The following CERCAM variants were observed in gnomAD, a reference collection of about 807,000 sequenced individuals.
CERCAM encodes cerebral endothelial cell adhesion molecule.
In CERCAM, 59 loss-of-function variants were observed where a neutral mutation model predicts 66.0. That is an observed-to-expected ratio of 0.89 (90% confidence interval 0.73 to 1.11). CERCAM has a LOEUF of 1.11. CERCAM is among the 50% of genes most tolerant of loss of function. CERCAM has a pLI of 0.00. For missense variants in CERCAM, 840 were observed against 828.3 expected (o/e 1.01, Z -0.17); for synonymous variants, 318 against 343.6 (o/e 0.93, Z 0.83).
intron 5 of CERCAM, among the ~76,000 whole-genome samples, chr9:128,426,890 C>A (rs1361233212): frequency 1.3e-5 from 2 of 152,062 alleles, no homozygotes; most frequent in African/African-American, 4.8e-5. Context: ...GAAATCTTAC[C>A]AAGTGCAAAA....
At chr9:128,429,253 G>T (rs1195860051) in intron 8 of CERCAM, among the ~76,000 whole-genome samples, 1 of 152,226 alleles carries the variant, frequency 6.6e-6, no homozygotes, top group Non-Finnish European at 1.5e-5. Context: ...GGAGAGCACA[G>T]TGGCTGAGGC....
At chr9:128,432,958 A>G (rs1588627691) in intron 9 of CERCAM, among the ~76,000 whole-genome samples, 1 of 149,880 alleles carries the variant, frequency 6.7e-6, no homozygotes, top group South Asian at 2.1e-4. Context: ...ACGTGGTGAA[A>G]CCCCGTCTCT....
intron 5 of CERCAM, among the ~76,000 whole-genome samples, chr9:128,426,014 AG>A (rs1302759790): frequency 6.6e-6 from 1 of 151,674 alleles, no homozygotes; most frequent in Non-Finnish European, 1.5e-5. Flanking sequence ...CGTGTTGCCC[AG>A]GCTGGTCTTG....
At position 128,434,282 on chromosome 9, in the gene CERCAM, T is replaced by C. The variant is rs1466199544; in HGVS notation, c.1331+53T>C. On this transcript the variant is annotated intron_variant, in intron 10 of 12. Coordinates refer to ENST00000372838, the MANE Select transcript of CERCAM (RefSeq NM_016174.5). The surrounding 1 kb of genome is among the most constrained non-coding windows in gnomAD (Gnocchi z 4.5). ...GGGGGCAGGGTGGGCCTCCGGAGTCTGCCTTTTCCTGCTTGGGACCCTGGC... is the reference window on the plus strand; with the variant it reads ...GGGGGCAGGGTGGGCCTCCGGAGTCCGCCTTTTCCTGCTTGGGACCCTGGC... 1 of 1,608,218 alleles carries C rather than the reference T, an allele frequency of 6.2e-7. No individual in the cohort carries two copies.
upstream of CERCAM, chr9:128,419,744 G>C (rs1336356195): frequency 6.6e-6 from 1 of 152,220 alleles, no homozygotes; most frequent in Non-Finnish European, 1.5e-5. Flanking sequence ...TAAGGACCCC[G>C]GCGGTGCTCC....
At chr9:128,424,847 G>A (rs1833804845) in intron 5 of CERCAM, among the ~76,000 whole-genome samples, 1 of 146,440 alleles carries the variant, frequency 6.8e-6, no homozygotes, top group African/African-American at 2.5e-5. Flanking sequence ...TCAGCTTCCC[G>A]AGTAGCTGGG....
chr9:128,425,076 G>A (rs1035292872), intron 5 of CERCAM, among the ~76,000 whole-genome samples: 1 of 148,430 alleles, frequency 6.7e-6, no homozygotes, highest in South Asian at 2.1e-4. Context: ...TGTTGTTTTT[G>A]GGACAGAGTC....
chr9:128,435,188 G>T (rs546143520), intron 11 of CERCAM, among the ~76,000 whole-genome samples: 7 of 152,172 alleles, frequency 4.6e-5, no homozygotes, highest in Non-Finnish European at 7.4e-5. Context: ...TAGAGACAGG[G>T]TTTCTCCATG....
chr9:128,431,143 C>G (rs1012874813), intron 8 of CERCAM, 28 bp from the exon 9 acceptor site: 11 of 1,609,802 alleles, frequency 6.8e-6, no homozygotes, highest in South Asian at 1.1e-5. Context: ...GCAGGCACCC[C>G]TCACCCCGCC....
intron 1 of CERCAM, 175 bp downstream of exon 1, chr9:128,421,249 G>C: frequency 8.1e-7 from 1 of 1,235,898 alleles, no homozygotes. Flanking sequence ...CGAGCCCCCT[G>C]CTGGGAGACG....
chr9:128,424,675 C>A, intron 5 of CERCAM, 61 bp downstream of exon 5: 1 of 1,481,814 alleles, frequency 6.7e-7, no homozygotes, highest in Non-Finnish European at 9.4e-7. Flanking sequence ...ACATGCTATT[C>A]CAGCTGCTTA....
At chr9:128,425,012 C>G (rs1588617523) in intron 5 of CERCAM, among the ~76,000 whole-genome samples, 1 of 150,206 alleles carries the variant, frequency 6.7e-6, no homozygotes, top group Admixed American at 6.6e-5. Context: ...TGTGAGCCAC[C>G]CGCCCAGCCA....
At chr9:128,419,540 G>A (rs890549569), upstream of CERCAM, 5 of 152,244 alleles carry the variant, frequency 3.3e-5, no homozygotes, top group African/African-American at 1.2e-4. Flanking sequence ...ATTCTCTCGA[G>A]GAATCCCTGC....
At position 128,421,063 on chromosome 9, in the gene CERCAM, G is replaced by T. The variant is rs1411689683; in HGVS notation, c.186G>T (p.Arg62Ser). The T allele has an allele frequency of 7.5e-7, 1 of 1,333,798 alleles. No homozygotes were observed. The allele number at this position is 1,333,798 out of a possible 1,614,324, so 82.6% of individuals were successfully genotyped here. A position where few individuals can be genotyped will look rare whatever the true frequency, so the allele number is the denominator to read the frequency against. The change falls in exon 1 of 13, where the codon AGG becomes AGT. Residue 62 changes from arginine (R) to serine (S), a missense_variant. Coordinates refer to ENST00000372838, the MANE Select transcript of CERCAM (RefSeq NM_016174.5). The stretch of plus-strand genomic sequence containing the variant: ...AGCGGCTGGACTACCCCCGGGCCAG[G>T]ATGGCCCTCTGGTGAGAGACCCGGG... ...ALERLDYPRA[R>S]MALWCATDHN...
chr9:128,428,843 C>T lies in CERCAM; in HGVS notation c.963+10C>T, dbSNP rs766748472. On this transcript the variant is annotated intron_variant, in intron 7 of 12. Transcript: ENST00000372838. ...GATAGGGTTTGACGAGGTAAGTCCC[C>T]CAGCCTGTGGGCTCGCTGTTAGGAG... The T allele has an allele frequency of 1.9e-6, 3 of 1,613,888 alleles. No homozygotes were observed. The highest frequency in any genetic ancestry group is 3.3e-5 in the Admixed American group (2 of 60,004).
chr9:128,432,560 A>AT (rs71495692), intron 9 of CERCAM, among the ~76,000 whole-genome samples: 1 of 150,212 alleles, frequency 6.7e-6, no homozygotes, highest in East Asian at 2.0e-4. Context: ...TAAATTTTGT[A>AT]TTTTTTGTAG....
At chr9:128,436,009 TCTCTCC>T (rs1834105473) in intron 12 of CERCAM, 104 bp downstream of exon 12, 1 of 1,200,468 alleles carries the variant, frequency 8.3e-7, no homozygotes, top group Admixed American at 2.8e-5. Context: ...CTCAGCCTTC[TCTCTCC>T]CTCTCCATCT....
At chr9:128,431,588 G>T (rs1461978932) in intron 9 of CERCAM, 4 of 359,776 alleles carry the variant, frequency 1.1e-5, no homozygotes, top group African/African-American at 2.1e-5. Context: ...GCAATAAAGG[G>T]ATCCCCCTGG....
chr9:128,422,566 TC>T, intron 1 of CERCAM: 3 of 294,178 alleles, frequency 1.0e-5, no homozygotes, highest in Non-Finnish European at 1.3e-5. Flanking sequence ...AGATTCCATC[TC>T]AAAAAAAATG....
Sources: allele counts gnomAD v4.1 joint callset (sites outside exome capture counted in the v4.1 genomes callset), GRCh38; gene constraint gnomAD v4.1.1; non-coding constraint Gnocchi (gnomAD v3.1); transcripts MANE v1.5; gene names NCBI Gene and HGNC (gene_info 2026-07-23, HGNC 2026-07-21).